Variants in TXNL4A observed in about 807,000 individuals in gnomAD.
TXNL4A encodes the protein thioredoxin-like protein 4A.
In TXNL4A, 17 loss-of-function variants were observed where a neutral mutation model predicts 14.6. The ratio of observed to expected loss-of-function variants is 1.16; its 90% CI spans 0.80 to 1.74. TXNL4A has a LOEUF of 1.74. TXNL4A is among the 40% of genes most tolerant of loss of function. The probability of loss-of-function intolerance (pLI) is 0.00; values close to 1 mark genes in which losing one functional copy is unlikely to be tolerated. For synonymous variants in TXNL4A, 83 were observed against 70.6 expected (o/e 1.18, Z -0.88); for missense variants, 74 against 195.2 (o/e 0.38, Z 3.70).
intron 1 of TXNL4A, among the ~76,000 whole-genome samples, chr18:80,012,783 G>A (rs2051778678): frequency 6.6e-6 from 1 of 152,100 alleles, no homozygotes; most frequent in African/African-American, 2.4e-5. Context: ...GGGTCTGTTG[G>A]TTTAGACATC....
At chr18:79,991,054 G>A (rs2051624673), upstream of TXNL4A, among the ~76,000 whole-genome samples, 1 of 148,328 alleles carries the variant, frequency 6.7e-6, no homozygotes, top group African/African-American at 2.5e-5. Flanking sequence ...CTTGCAGTGA[G>A]CCGAGATTGT....
intron 1 of TXNL4A, among the ~76,000 whole-genome samples, chr18:79,999,319 T>A (rs1021536571): frequency 9.9e-5 from 15 of 152,004 alleles, no homozygotes; most frequent in African/African-American, 3.4e-4. Context: ...GCGGATCACA[T>A]GAGGTCAGGA....
chr18:79,997,521 T>C (rs372947062), intron 1 of TXNL4A, among the ~76,000 whole-genome samples: 3 of 152,230 alleles, frequency 2.0e-5, no homozygotes, highest in African/African-American at 7.2e-5. Context: ...CAGTACCAGC[T>C]AGTATTTCTC....
At chr18:80,007,612 C>CAGG (rs1351256211) in intron 1 of TXNL4A, among the ~76,000 whole-genome samples, 1 of 151,430 alleles carries the variant, frequency 6.6e-6, no homozygotes, top group Non-Finnish European at 1.5e-5. Flanking sequence ...TTTTTTTAAT[C>CAGG]AGGTACTGAG....
chr18:79,984,001 A>C (rs1048205190), intron 1 of TXNL4A, among the ~76,000 whole-genome samples: 4 of 152,130 alleles, frequency 2.6e-5, no homozygotes, highest in Non-Finnish European at 5.9e-5. Flanking sequence ...CCGCCACTCA[A>C]CACCACCCCT....
intron 1 of TXNL4A, among the ~76,000 whole-genome samples, chr18:79,981,913 T>C (rs2051470303): frequency 6.6e-6 from 1 of 151,984 alleles, no homozygotes; most frequent in South Asian, 2.1e-4. Flanking sequence ...TTTTCACTCA[T>C]GGATTCTAAT....
At chr18:79,997,631 G>A (rs1056053566) in intron 1 of TXNL4A, among the ~76,000 whole-genome samples, 11 of 152,104 alleles carry the variant, frequency 7.2e-5, no homozygotes, top group African/African-American at 1.9e-4. Context: ...ATATGTGGAC[G>A]GTAATGCCTC....
At position 79,986,850 on chromosome 18, in the gene TXNL4A, G is replaced by A. The variant is rs759055846; in HGVS notation, c.153+1390C>T. ...AACTGCTCTTAGTCAATTCTTCGCT[G>A]GATTTCCAGTATCTGCCCTTGTCCA... On this transcript the variant is annotated intron_variant, in intron 1 of 2. Transcript: ENST00000269601. 14 of 850,332 alleles carry A rather than the reference G, an allele frequency of 1.6e-5. 1 individual carries two copies. The highest frequency in any genetic ancestry group is 2.5e-4 in the East Asian group (2 of 8,154). 52.7% of individuals were successfully genotyped at this position (850,332 alleles called of 1,614,324 possible).
intron 1 of TXNL4A, among the ~76,000 whole-genome samples, chr18:80,018,495 C>T (rs1250336515): frequency 6.6e-6 from 1 of 151,992 alleles, no homozygotes; most frequent in African/African-American, 2.4e-5. Context: ...CAGAGCAGAA[C>T]TGAAGGAAAT....
chr18:80,026,662 C>G (rs1194189344), intron 1 of TXNL4A, among the ~76,000 whole-genome samples: 2 of 152,136 alleles, frequency 1.3e-5, no homozygotes. Flanking sequence ...GTTTTAAGTA[C>G]AAACCTTTAC....
intron 1 of TXNL4A, among the ~76,000 whole-genome samples, chr18:80,008,195 CTTTG>C (rs1159606587): frequency 1.3e-5 from 2 of 152,280 alleles, no homozygotes; most frequent in African/African-American, 2.4e-5. Context: ...TTCAGTGTGA[CTTTG>C]TTTGTTGGAG....
chr18:79,990,965 G>A (rs944754324), upstream of TXNL4A, among the ~76,000 whole-genome samples: 7 of 151,838 alleles, frequency 4.6e-5, no homozygotes, highest in East Asian at 1.9e-4. Context: ...AAAATTAGCC[G>A]GGCGCGGTGG....
intron 1 of TXNL4A, among the ~76,000 whole-genome samples, chr18:80,026,578 C>T (rs1032137464): frequency 6.6e-6 from 1 of 152,172 alleles, no homozygotes; most frequent in Non-Finnish European, 1.5e-5. Flanking sequence ...CAAATCCCAG[C>T]TTATTTAGAA....
At chr18:80,004,792 G>T (rs977741356) in intron 1 of TXNL4A, among the ~76,000 whole-genome samples, 1 of 152,114 alleles carries the variant, frequency 6.6e-6, no homozygotes, top group Non-Finnish European at 1.5e-5. Context: ...CATCGAGTGC[G>T]CAGTGGCTGC....
In TXNL4A at chr18:79,988,210, C is replaced by T. The variant is rs761626681; in HGVS notation, c.153+30G>A. 3 of 1,485,788 alleles carry T rather than the reference C, an allele frequency of 2.0e-6. No homozygotes were observed. The South Asian group carries it at 3.9e-5, about 19-fold the overall frequency. 92.0% of individuals were successfully genotyped at this position (1,485,788 alleles called of 1,614,324 possible). On this transcript the variant is annotated intron_variant, in intron 1 of 2. Transcript: ENST00000269601. ...GCGCGGGGCAGATGCGGAAGCACAG[C>T]CCGCAGAGCGGGAGAGTCCGGCGCG...
chr18:79,979,421 G>C (rs1414711057), intron 1 of TXNL4A: 1 of 152,190 alleles, frequency 6.6e-6, no homozygotes, highest in Admixed American at 6.6e-5. Flanking sequence ...GGTGGGAGGC[G>C]ACTGGATCAT....
chr18:79,995,490 T>C (rs1286232423), intron 1 of TXNL4A: 2 of 152,232 alleles, frequency 1.3e-5, no homozygotes, highest in East Asian at 1.9e-4. Context: ...GATAAAACTT[T>C]TAGACAATAT....
intron 1 of TXNL4A, among the ~76,000 whole-genome samples, chr18:80,023,866 A>T (rs1161991496): frequency 3.9e-5 from 6 of 152,172 alleles, no homozygotes; most frequent in African/African-American, 1.4e-4. Flanking sequence ...TCCCCTTTAA[A>T]TTTGAAGCCC....
At chr18:79,979,586 T>A (rs1394203881) in intron 1 of TXNL4A, 1 of 152,940 alleles carries the variant, frequency 6.5e-6, no homozygotes, top group Admixed American at 6.5e-5. Flanking sequence ...TGGAAGGTCC[T>A]GAGGCCTCCC....
Sources: allele counts gnomAD v4.1 joint callset (sites outside exome capture counted in the v4.1 genomes callset), GRCh38; gene constraint gnomAD v4.1.1; transcripts MANE v1.5; gene names NCBI Gene and HGNC (gene_info 2026-07-23, HGNC 2026-07-21).